Variants in RHBDD1 observed in about 807,000 individuals in gnomAD.
RHBDD1 encodes the protein rhomboid domain containing 1, also known as rhomboid-related protein 4.
RHBDD1 carries 38 observed loss-of-function variants against 36.3 expected under a neutral mutation model. The ratio of observed to expected loss-of-function variants is 1.05; its 90% CI spans 0.81 to 1.37. The LOEUF is 1.37. Among genes scored for constraint, RHBDD1 ranks in the 40% most tolerant of loss-of-function variants. The pLI, the probability that RHBDD1 is intolerant of heterozygous loss-of-function variation, is 0.00. For missense variants in RHBDD1, 393 were observed against 377.6 expected, an observed-to-expected ratio of 1.04 and a Z score of -0.34; for synonymous variants, 151 against 136.5, an observed-to-expected ratio of 1.11 and a Z score of -0.74.
chr2:226,867,743 G>A, intron 5 of RHBDD1: 1 of 826,438 alleles, frequency 1.2e-6, no homozygotes, highest in Non-Finnish European at 1.5e-6. Context: ...TTTTGAGATG[G>A]AGTCTCGCTC....
intron 5 of RHBDD1, among the ~76,000 whole-genome samples, chr2:226,871,163 A>G (rs993079397): frequency 3.3e-5 from 5 of 152,202 alleles, no homozygotes; most frequent in African/African-American, 1.2e-4. Context: ...TTTATTATAC[A>G]GATTTTCAAT....
At chr2:226,903,765 C>T (rs1269029740) in intron 5 of RHBDD1, among the ~76,000 whole-genome samples, 1 of 152,150 alleles carries the variant, frequency 6.6e-6, no homozygotes, top group African/African-American at 2.4e-5. Context: ...CATCCAAAAG[C>T]TGCCTATTGG....
chr2:226,818,152 A>ATTTTT, the RHBDD1 span, among the ~76,000 whole-genome samples: 43 of 86,228 alleles, frequency 5.0e-4, no homozygotes, highest in Non-Finnish European at 7.5e-4. Flanking sequence ...TCCAAACAGT[A>ATTTTT]TTTTTTTTTT....
At chr2:226,984,465 C>T (rs1386094004) in intron 8 of RHBDD1, among the ~76,000 whole-genome samples, 3 of 152,178 alleles carry the variant, frequency 2.0e-5, no homozygotes, top group African/African-American at 7.2e-5. Context: ...CACGGGGGCT[C>T]CACCCTCATG....
intron 5 of RHBDD1, among the ~76,000 whole-genome samples, chr2:226,868,784 C>T (rs1202923335): frequency 1.3e-5 from 2 of 152,192 alleles, no homozygotes; most frequent in Non-Finnish European, 2.9e-5. Flanking sequence ...ATGACAGTGA[C>T]GTGGCCCCTG....
At chr2:226,930,340 C>G (rs60096472) in intron 8 of RHBDD1, among the ~76,000 whole-genome samples, 2,462 of 152,142 alleles carry the variant, frequency 0.016, 60 homozygotes, top group African/African-American at 0.057. Context: ...ATAGAGAACC[C>G]AGAAATAAAG....
At chr2:226,937,670 A>G (rs1950418124) in intron 8 of RHBDD1, among the ~76,000 whole-genome samples, 2 of 152,004 alleles carry the variant, frequency 1.3e-5, no homozygotes, top group Admixed American at 6.6e-5. Context: ...TTTATCTCTC[A>G]CTTATAAGTG....
chr2:226,912,285 A>G (rs1948572016), intron 7 of RHBDD1, among the ~76,000 whole-genome samples: 1 of 152,200 alleles, frequency 6.6e-6, no homozygotes, highest in African/African-American at 2.4e-5. Context: ...CTACTTTGGA[A>G]AACATTCTGG....
chr2:226,916,167 C>T (rs1948895135), intron 8 of RHBDD1, among the ~76,000 whole-genome samples: 1 of 152,182 alleles, frequency 6.6e-6, no homozygotes, highest in Non-Finnish European at 1.5e-5. Context: ...GTTACTGAAG[C>T]AGGTAACAAG....
At chr2:226,836,241 G>T (rs574358140) in intron 1 of RHBDD1, 154 bp downstream of exon 1, 2 of 152,642 alleles carry the variant, frequency 1.3e-5, no homozygotes, top group East Asian at 1.9e-4. Flanking sequence ...AGGCATGGCG[G>T]GGCTGGAGGC....
At chr2:226,955,232 T>G (rs1951712066) in intron 8 of RHBDD1, among the ~76,000 whole-genome samples, 1 of 152,286 alleles carries the variant, frequency 6.6e-6, no homozygotes, top group Non-Finnish European at 1.5e-5. Flanking sequence ...GAGCCCTGTT[T>G]GCACACCCTT....
At chr2:226,886,587 T>C (rs1483514209) in intron 5 of RHBDD1, among the ~76,000 whole-genome samples, 1 of 152,194 alleles carries the variant, frequency 6.6e-6, no homozygotes, top group Non-Finnish European at 1.5e-5. Context: ...AAGATTAGGC[T>C]ACAAAGGCAA....
intron 5 of RHBDD1, among the ~76,000 whole-genome samples, chr2:226,886,169 G>T (rs1294992033): frequency 6.6e-6 from 1 of 152,174 alleles, no homozygotes; most frequent in East Asian, 1.9e-4. Context: ...TAACTTATTT[G>T]TCTCTTCCAA....
chr2:226,961,387 C>G (rs1303361925), intron 8 of RHBDD1, among the ~76,000 whole-genome samples: 1 of 152,138 alleles, frequency 6.6e-6, no homozygotes. Flanking sequence ...TGTTTTCTCT[C>G]ATCACTTAGG....
At chr2:226,858,780 A>C (rs955719798) in intron 3 of RHBDD1, among the ~76,000 whole-genome samples, 2 of 152,096 alleles carry the variant, frequency 1.3e-5, no homozygotes, top group East Asian at 3.9e-4. Context: ...TTAATTTCTC[A>C]TTAAAAGTAA....
chr2:226,820,247 T>C, the RHBDD1 span, among the ~76,000 whole-genome samples: 381 of 152,260 alleles, frequency 2.5e-3, 5 homozygotes, highest in African/African-American at 8.7e-3. Flanking sequence ...TTAGTGACAG[T>C]GAATTTCTTT....
At position 226,998,217 on chromosome 2, in the gene RHBDD1, G is replaced by GTGA. The variant is rs150492139; in HGVS notation, c.*2697_*2699dup. The GTGA allele has an allele frequency of 8.9e-4, 136 of 152,302 alleles. No homozygotes were observed. The highest frequency in any genetic ancestry group is 3.1e-3 in the African/African-American group (128 of 41,570). 9.4% of individuals were successfully genotyped at this position (152,302 alleles called of 1,614,324 possible). A position where few individuals can be genotyped will look rare whatever the true frequency, so the allele number is the denominator to read the frequency against. ...CTTAATGACTCTGAATGTATTGCCT[G>GTGA]TGATTCCAAAGTTGTACATAATTGT... On this transcript the variant is annotated 3_prime_UTR_variant, in exon 9 of 9. Coordinates refer to ENST00000392062, the MANE Select transcript of RHBDD1 (RefSeq NM_001167608.3).
the RHBDD1 span, among the ~76,000 whole-genome samples, chr2:226,807,151 A>G: frequency 6.6e-6 from 1 of 152,262 alleles, no homozygotes; most frequent in South Asian, 2.1e-4. Context: ...ATTTTAAAAA[A>G]TAGACATTTA....
At chr2:226,900,385 A>G (rs1947488047) in intron 5 of RHBDD1, among the ~76,000 whole-genome samples, 1 of 152,152 alleles carries the variant, frequency 6.6e-6, no homozygotes, top group Non-Finnish European at 1.5e-5. Context: ...CTGAGTGTGC[A>G]TTGTATGATC....
Sources: gnomAD v4.1 joint callset for allele counts (sites outside exome capture counted in the v4.1 genomes callset) on GRCh38, gnomAD v4.1.1 for gene constraint, MANE v1.5 for transcripts, NCBI Gene and HGNC (gene_info 2026-07-23, HGNC 2026-07-21) for gene names.